CAT: variants seen among roughly 807,000 people sequenced by gnomAD.
CAT encodes the protein epididymis secretory sperm binding protein.
CAT carries 43 observed loss-of-function variants against 59.0 expected under a neutral mutation model. The observed-to-expected ratio is 0.73, with a 90% CI of 0.57 to 0.94. The LOEUF is 0.94. Among genes scored for constraint, CAT ranks in the 40% least tolerant of loss-of-function variants. The pLI is 0.00. For missense variants in CAT, 664 were observed against 682.9 expected (o/e 0.97, Z 0.31); for synonymous variants, 218 against 230.9 (o/e 0.94, Z 0.51).
chr11:34,459,567 G>A (rs568713559), intron 8 of CAT, among the ~76,000 whole-genome samples: 10 of 152,132 alleles, frequency 6.6e-5, no homozygotes, highest in African/African-American at 9.7e-5. Context: ...AAGTTGGGCC[G>A]GTTGCTTGGG....
intron 6 of CAT, 116 bp downstream of exon 6, chr11:34,454,042 C>T: frequency 8.9e-7 from 1 of 1,118,770 alleles, no homozygotes; most frequent in Non-Finnish European, 1.3e-6. Flanking sequence ...CCTCCATCCC[C>T]AAAGTTGGGA....
At chr11:34,470,927 A>G (rs552058955) in intron 11 of CAT, 31 bp from the exon 12 acceptor site, 2 of 1,554,060 alleles carry the variant, frequency 1.3e-6, no homozygotes, top group East Asian at 4.5e-5. Flanking sequence ...GAGTTAGAGT[A>G]ATGCTTGCAT....
rs17884086 is a variant in CAT at position 34,449,519 on chromosome 11, A to G, written c.238+156A>G. Among the ~76,000 whole-genome samples the G allele has an allele frequency of 0.06, 9,133 of 152,308 alleles. 340 individuals are homozygous for G. Among genetic ancestry groups the G allele is most frequent in the African/African-American group, 0.11 (4,580 of 41,546 alleles). On this transcript the variant is annotated intron_variant, in intron 2 of 12. Coordinates refer to ENST00000241052, the MANE Select transcript of CAT (RefSeq NM_001752.4). ...CAGCAGTAGGGAAATTAGTAAATAA[A>G]TGATGGTTATTTCCTCAGGTTAAAC...
chr11:34,468,481 A>G lies in CAT; in HGVS notation c.1434+86A>G. 7 of 958,552 alleles carry G rather than the reference A, an allele frequency of 7.3e-6. No individual in the cohort carries two copies. In the South Asian group the frequency reaches 9.1e-5, roughly 12 times the overall value. The allele number at this position is 958,552 out of a possible 1,614,324, so 59.4% of individuals were successfully genotyped here. A position where few individuals can be genotyped will look rare whatever the true frequency, so the allele number is the denominator to read the frequency against. On this transcript the variant is annotated intron_variant, in intron 11 of 12. Coordinates refer to ENST00000241052, the MANE Select transcript of CAT (RefSeq NM_001752.4). The stretch of plus-strand genomic sequence containing the variant: ...GGGAGAACCCTAAAAAGAAAGTGCC[A>G]TTTCTGTTTTACTTGACTTAAGAGA...
At chr11:34,461,995 T>C (rs1194356619) in intron 9 of CAT, among the ~76,000 whole-genome samples, 2 of 152,234 alleles carry the variant, frequency 1.3e-5, no homozygotes, top group Non-Finnish European at 2.9e-5. Flanking sequence ...CTTACCACTT[T>C]TTGTTTTTTG....
At chr11:34,448,165 A>G (rs1288848193) in intron 1 of CAT, among the ~76,000 whole-genome samples, 1 of 152,226 alleles carries the variant, frequency 6.6e-6, no homozygotes, top group Non-Finnish European at 1.5e-5. Flanking sequence ...TTTAATGTAC[A>G]GGACAGACAT....
Position 34,456,676 on chromosome 11 carries a change from C to T in CAT, c.915C>T (p.His305=). The T allele has an allele frequency of 6.2e-7, 1 of 1,614,088 alleles. No homozygotes were observed. Among genetic ancestry groups the T allele is most frequent in the Non-Finnish European group, 8.5e-7 (1 of 1,179,928 alleles). The part of the protein sequence containing the change: ...NPFDLTKVWP[H]KDYPLIPVGK... ...GACATCATTTTCAGGTTTGGCCTCACAAGGACTACCCTCTCATCCCAGTTG... is the reference window on the plus strand; with the variant it reads ...GACATCATTTTCAGGTTTGGCCTCATAAGGACTACCCTCTCATCCCAGTTG... The change falls in exon 8 of 13, where the codon CAC becomes CAT. Residue 305 remains histidine (H), a synonymous_variant. Transcript: ENST00000241052.
chr11:34,438,997 A>G lies in CAT; in HGVS notation c.-17A>G, dbSNP rs777522545. On this transcript the variant is annotated 5_prime_UTR_variant, in exon 1 of 13. Coordinates refer to ENST00000241052, the MANE Select transcript of CAT (RefSeq NM_001752.4). ...GCCGAGGCCTCCTGCAGTGTTCTGC[A>G]CAGCAAACCGCACGCTATGGCTGAC... 1.3e-6 allele frequency: 2 copies of G among 1,581,220 alleles called. No homozygotes were observed. The highest frequency in any genetic ancestry group is 8.6e-7 in the Non-Finnish European group (1 of 1,163,346).
intron 1 of CAT, among the ~76,000 whole-genome samples, chr11:34,446,757 T>C (rs566881722): frequency 6.6e-6 from 1 of 152,106 alleles, no homozygotes; most frequent in East Asian, 1.9e-4. Context: ...CTTTTTTTTT[T>C]TGAGACGGAG....
chr11:34,470,841 C>T, intron 11 of CAT, 117 bp from the exon 12 acceptor site: 1 of 844,978 alleles, frequency 1.2e-6, no homozygotes, highest in Non-Finnish European at 2.1e-6. Context: ...GTAGTACTGC[C>T]TCCTGCTGAA....
chr11:34,454,791 C>G (rs933640368), intron 6 of CAT, among the ~76,000 whole-genome samples: 1 of 152,180 alleles, frequency 6.6e-6, no homozygotes, highest in African/African-American at 2.4e-5. Flanking sequence ...GTGGTTGTAT[C>G]TAGGACAGCC....
At chr11:34,464,367 G>A in intron 10 of CAT, 132 bp downstream of exon 10, 1 of 974,416 alleles carries the variant, frequency 1.0e-6, no homozygotes, top group Non-Finnish European at 1.6e-6. Flanking sequence ...AGACTCATCT[G>A]TAATAGTAAA....
At chr11:34,453,227 A>C in intron 5 of CAT, 33 bp downstream of exon 5, 6 of 1,240,670 alleles carry the variant, frequency 4.8e-6, no homozygotes, top group Non-Finnish European at 6.0e-6. Flanking sequence ...GTATTATATC[A>C]CCTGGGATGC....
intron 1 of CAT, among the ~76,000 whole-genome samples, chr11:34,442,898 C>G (rs1856408024): frequency 6.6e-6 from 1 of 152,132 alleles, no homozygotes; most frequent in Non-Finnish European, 1.5e-5. Flanking sequence ...TACCCCCTGT[C>G]CAGGAAGCTG....
intron 8 of CAT, among the ~76,000 whole-genome samples, chr11:34,457,802 G>A (rs1856608692): frequency 6.6e-6 from 1 of 152,198 alleles, no homozygotes. Context: ...AAAGGTTAAA[G>A]ATTGTACCCT....
At position 34,456,122 on chromosome 11, in the gene CAT, C is replaced by A. The variant is rs1347600452; in HGVS notation, c.823C>A (p.Pro275Thr). ...TAACGCCATTGCCACAGGAAAGTACCCCTCCTGGACTTTTTACATCCAGGT... is the reference window on the plus strand; with the variant it reads ...TAACGCCATTGCCACAGGAAAGTACACCTCCTGGACTTTTTACATCCAGGT... ...LFNAIATGKY[P>T]SWTFYIQVMT... is the part of the protein sequence containing the mutation. The change falls in exon 7 of 13, where the codon CCC becomes ACC. Residue 275 changes from proline (P) to threonine (T), a missense_variant. Transcript: ENST00000241052. 7 of 1,613,838 alleles carry A rather than the reference C, an allele frequency of 4.3e-6. No individual in the cohort carries two copies. Among genetic ancestry groups the A allele is most frequent in the Non-Finnish European group, 5.9e-6 (7 of 1,179,890 alleles).
In CAT at chr11:34,445,337, A is replaced by G. The variant is rs543863992; in HGVS notation, c.67-3855A>G. Among the ~76,000 whole-genome samples the G allele has an allele frequency of 1.1e-3, 164 of 151,834 alleles. 5 individuals are homozygous for G. The South Asian group carries it at 0.034, about 31-fold the overall frequency. On this transcript the variant is annotated intron_variant, in intron 1 of 12. Coordinates refer to ENST00000241052, the MANE Select transcript of CAT (RefSeq NM_001752.4). Reference sequence around the variant, plus strand: ...ATGGAACCCTGTCTTTACTAAAAATACAAAAATTAGCTGGGTGTGGTGGTG... The same window carrying G: ...ATGGAACCCTGTCTTTACTAAAAATGCAAAAATTAGCTGGGTGTGGTGGTG...
chr11:34,464,195 T>A lies in CAT; in HGVS notation c.1286T>A (p.Val429Glu), dbSNP rs373692369. The change falls in exon 10 of 13, where the codon GTG (valine) becomes GAG (glutamate). Residue 429 changes from valine (V) to glutamate (E), a missense_variant. Transcript: ENST00000241052. ...CACAGCATCCAATATTCTGGAGAAG[T>A]GCGGAGATTCAACACTGCCAATGAT... ...LEHSIQYSGE[V>E]RRFNTANDDN... 6.2e-7 allele frequency: 1 copy of A among 1,614,142 alleles called. No homozygotes were observed. The highest frequency in any genetic ancestry group is 1.1e-5 in the South Asian group (1 of 91,082).
intron 2 of CAT, 130 bp downstream of exon 2, chr11:34,449,493 C>T (rs1590300901): frequency 1.4e-6 from 1 of 729,124 alleles, no homozygotes; most frequent in African/African-American, 1.8e-5. Flanking sequence ...GGAAAAACAT[C>T]CAGCAGTAGG....
Sources: gnomAD v4.1 joint callset for allele counts (sites outside exome capture counted in the v4.1 genomes callset) on GRCh38, gnomAD v4.1.1 for gene constraint, MANE v1.5 for transcripts, NCBI Gene and HGNC (gene_info 2026-07-23, HGNC 2026-07-21) for gene names.